Variants in MDFIC2 observed in about 807,000 individuals in gnomAD.
MDFIC2 encodes the protein MyoD family inhibitor domain containing 2.
intron 2 of MDFIC2, among the ~76,000 whole-genome samples, chr3:70,221,796 T>C (rs1206170325): frequency 6.6e-6 from 1 of 152,138 alleles, no homozygotes; most frequent in East Asian, 1.9e-4. Context: ...ATTGTTAAGG[T>C]GGTCTTGCCA....
At chr3:70,295,882 A>G (rs1238371688) in intron 2 of MDFIC2, among the ~76,000 whole-genome samples, 4 of 152,106 alleles carry the variant, frequency 2.6e-5, no homozygotes, top group Non-Finnish European at 5.9e-5. Context: ...CTCCCACTTG[A>G]TCTTTGCCTT....
At chr3:70,306,495 C>T (rs1269781795) in intron 2 of MDFIC2, among the ~76,000 whole-genome samples, 2 of 151,972 alleles carry the variant, frequency 1.3e-5, no homozygotes, top group East Asian at 3.9e-4. Flanking sequence ...AAAATAACTA[C>T]AGAACTCTCA....
rs959369723 is a variant in MDFIC2, at chr3:70,291,539, C to T, written c.88+20347G>A. On this transcript the variant is annotated intron_variant, in intron 2 of 3. Coordinates refer to ENST00000567252, the MANE Select transcript of MDFIC2 (RefSeq NM_001364677.1). ...TTTCTGTTTATTTGGTCTTATCTCT[C>T]ATCACATTCTGAGATTCTCAGAAGG... is the stretch of plus-strand genomic sequence containing the variant. Among the ~76,000 whole-genome samples the T allele has an allele frequency of 2.0e-5, 3 of 152,274 alleles. 1 individual carries two copies. The highest frequency in any genetic ancestry group is 4.1e-4 in the South Asian group (2 of 4,824).
intron 2 of MDFIC2, among the ~76,000 whole-genome samples, chr3:70,224,177 G>A (rs907993834): frequency 6.6e-6 from 1 of 152,116 alleles, no homozygotes; most frequent in Non-Finnish European, 1.5e-5. Flanking sequence ...CGTAGACTTT[G>A]GTAAATAGCC....
Position 70,261,793 on chromosome 3 carries a change from A to T in MDFIC2, c.88+50093T>A, listed in dbSNP as rs117887965. Among the ~76,000 whole-genome samples, 37 of 152,252 alleles carry T rather than the reference A, an allele frequency of 2.4e-4. No individual in the cohort carries two copies. The East Asian group carries it at 7.0e-3, about 29-fold the overall frequency. ...ACCTCAAATAGCATTTGAAACCAAGATTTCCTCCCCGTGGAACCAAGAAGA... is the reference window on the plus strand; with the variant it reads ...ACCTCAAATAGCATTTGAAACCAAGTTTTCCTCCCCGTGGAACCAAGAAGA... On this transcript the variant is annotated intron_variant, in intron 2 of 3. Transcript: ENST00000567252.
intron 3 of MDFIC2, among the ~76,000 whole-genome samples, chr3:70,198,603 T>G (rs1160703856): frequency 1.3e-5 from 2 of 152,208 alleles, no homozygotes; most frequent in African/African-American, 4.8e-5. Flanking sequence ...CTCTCCATCC[T>G]CTTTCTCTTA....
At chr3:70,286,440 C>A (rs1392085330) in intron 2 of MDFIC2, among the ~76,000 whole-genome samples, 1 of 151,732 alleles carries the variant, frequency 6.6e-6, no homozygotes, top group African/African-American at 2.4e-5. Context: ...GTACCAGTAC[C>A]ATGCTGTTTT....
chr3:70,290,606 C>T (rs1270241567), intron 2 of MDFIC2, among the ~76,000 whole-genome samples: 1 of 152,238 alleles, frequency 6.6e-6, no homozygotes, highest in Non-Finnish European at 1.5e-5. Flanking sequence ...AGTTTCCGGG[C>T]TGTTTTGATT....
chr3:70,203,966 A>G (rs1701266995), intron 3 of MDFIC2, among the ~76,000 whole-genome samples: 1 of 152,164 alleles, frequency 6.6e-6, no homozygotes, highest in African/African-American at 2.4e-5. Context: ...ATGAACCACA[A>G]TTTAGTAATA....
intron 2 of MDFIC2, among the ~76,000 whole-genome samples, chr3:70,229,621 C>T (rs1465774439): frequency 2.6e-5 from 4 of 152,112 alleles, no homozygotes; most frequent in African/African-American, 9.7e-5. Flanking sequence ...TGATTCTTCA[C>T]GTTTTATTCT....
At chr3:70,305,543 C>G (rs1042958489) in intron 2 of MDFIC2, among the ~76,000 whole-genome samples, 3 of 152,182 alleles carry the variant, frequency 2.0e-5, no homozygotes, top group African/African-American at 7.2e-5. Flanking sequence ...TAATAAAGCA[C>G]TTAAGTACAT....
chr3:70,293,045 CAAAAAAAAAAAAA>C (rs55990203), intron 2 of MDFIC2, among the ~76,000 whole-genome samples: 5 of 74,782 alleles, frequency 6.7e-5, no homozygotes, highest in East Asian at 3.2e-4. Flanking sequence ...TGGTTTGAAG[CAAAAAAAAAAAAA>C]AAAAAAAAAA....
At chr3:70,254,781 G>A (rs1025668679) in intron 2 of MDFIC2, among the ~76,000 whole-genome samples, 1 of 152,184 alleles carries the variant, frequency 6.6e-6, no homozygotes, top group African/African-American at 2.4e-5. Context: ...TAACTAAACA[G>A]TTGGTAGCTT....
intron 3 of MDFIC2, among the ~76,000 whole-genome samples, chr3:70,200,851 G>A (rs1328413522): frequency 6.6e-6 from 1 of 151,920 alleles, no homozygotes; most frequent in East Asian, 1.9e-4. Flanking sequence ...AGATCGTAGA[G>A]CAGAGATTCA....
At chr3:70,204,887 A>G (rs1010051672) in intron 3 of MDFIC2, 4 of 152,082 alleles carry the variant, frequency 2.6e-5, no homozygotes, top group African/African-American at 9.7e-5. Flanking sequence ...AACTTAATTC[A>G]ATTATTCACA....
At chr3:70,285,884 C>T (rs199708259) in intron 2 of MDFIC2, among the ~76,000 whole-genome samples, 7,091 of 151,386 alleles carry the variant, frequency 0.047, 237 homozygotes, top group African/African-American at 0.083. Context: ...TCATGTCCTT[C>T]GCCCACTTTT....
At chr3:70,205,845 C>A (rs1701285604) in intron 3 of MDFIC2, 1 of 152,056 alleles carries the variant, frequency 6.6e-6, no homozygotes, top group Non-Finnish European at 1.5e-5. Context: ...AATGTAGATA[C>A]TGAACACTAC....
At position 70,226,706 on chromosome 3, in the gene MDFIC2, C is replaced by G. The variant is rs547235311; in HGVS notation, c.89-19916G>C. On this transcript the variant is annotated intron_variant, in intron 2 of 3. Transcript: ENST00000567252. ...TGAGCCGATATCGTGCCACTCCACT[C>G]CAGCCTGGGCAACAGAGAGAGACTC... Among the ~76,000 whole-genome samples the G allele has an allele frequency of 4.0e-4, 60 of 148,756 alleles. 1 individual carries two copies. The highest frequency in any genetic ancestry group is 1.4e-3 in the African/African-American group (56 of 40,036).
At chr3:70,268,255 G>A (rs1009620413) in intron 2 of MDFIC2, among the ~76,000 whole-genome samples, 1 of 152,090 alleles carries the variant, frequency 6.6e-6, no homozygotes, top group Admixed American at 6.5e-5. Context: ...CAGATTGCCT[G>A]AGCGCAGAAG....
Sources: gnomAD v4.1 joint callset for allele counts (sites outside exome capture counted in the v4.1 genomes callset) on GRCh38, gnomAD v4.1.1 for gene constraint, MANE v1.5 for transcripts, NCBI Gene and HGNC (gene_info 2026-07-23, HGNC 2026-07-21) for gene names.